TBC1D14: variants seen among roughly 807,000 people sequenced by gnomAD.
TBC1D14 encodes the protein TBC1 domain family member 14.
In TBC1D14, 26 loss-of-function variants were observed where a neutral mutation model predicts 79.0. The ratio of observed to expected loss-of-function variants is 0.33; its 90% CI spans 0.24 to 0.46. TBC1D14 has a LOEUF of 0.46. Ranked by LOEUF, TBC1D14 falls within the 20% of genes least tolerant of loss-of-function variation. The pLI is 1.00. For synonymous variants in TBC1D14, 394 were observed against 349.9 expected, an observed-to-expected ratio of 1.13 and a Z score of -1.40; for missense variants, 769 against 887.6, an observed-to-expected ratio of 0.87 and a Z score of 1.70.
chr4:6,915,906 G>C (rs1001641153), intron 1 of TBC1D14, among the ~76,000 whole-genome samples: 1 of 151,662 alleles, frequency 6.6e-6, no homozygotes, highest in African/African-American at 2.4e-5. Context: ...CCTGAGGTCA[G>C]GGGTTCAAAA....
At chr4:6,987,347 A>G in intron 3 of TBC1D14, 1 of 1,425,870 alleles carries the variant, frequency 7.0e-7, no homozygotes, top group Non-Finnish European at 9.2e-7. Context: ...CCCGGCGTTC[A>G]TGGTGAGTCG....
At chr4:6,935,730 G>T in intron 2 of TBC1D14, among the ~76,000 whole-genome samples, 1 of 149,492 alleles carries the variant, frequency 6.7e-6, no homozygotes, top group East Asian at 2.0e-4. Context: ...TGCAGTCTCT[G>T]CCTCCCAGGT....
At chr4:6,994,485 G>C (rs2109157380) in intron 4 of TBC1D14, among the ~76,000 whole-genome samples, 183 bp downstream of exon 4, 1 of 152,302 alleles carries the variant, frequency 6.6e-6, no homozygotes, top group Non-Finnish European at 1.5e-5. Flanking sequence ...TTGGAAAACT[G>C]TCCTATAGCA....
chr4:6,969,535 A>G (rs1360016992), intron 3 of TBC1D14, among the ~76,000 whole-genome samples: 1 of 151,970 alleles, frequency 6.6e-6, no homozygotes, highest in Non-Finnish European at 1.5e-5. Context: ...CCTCCCCAGT[A>G]GCTGGGACTA....
rs757713754 is a variant in TBC1D14, at chr4:7,010,673, A to C, written c.1539A>C (p.Ile513=). The change falls in exon 11 of 14, where the codon ATA becomes ATC. Residue 513 remains isoleucine (I), a synonymous_variant. Coordinates refer to ENST00000409757, the MANE Select transcript of TBC1D14 (RefSeq NM_020773.3). ...DVGYVQGMSF[I]AAVLILNLDT... ...CTCAGGTCCAGGGCATGTCCTTCAT[A>C]GCAGCAGTGTTGATCTTGAACTTAG... is the stretch of plus-strand genomic sequence containing the variant. 1.2e-5 allele frequency: 20 copies of C among 1,613,910 alleles called. No individual in the cohort carries two copies. The African/African-American group carries it at 2.0e-4, about 16-fold the overall frequency.
At chr4:6,993,266 A>T (rs1718692502) in intron 3 of TBC1D14, among the ~76,000 whole-genome samples, 1 of 152,190 alleles carries the variant, frequency 6.6e-6, no homozygotes, top group Non-Finnish European at 1.5e-5. Context: ...TAATCATCTT[A>T]AATGATTGTG....
At chr4:7,004,371 C>T (rs1313759033) in intron 7 of TBC1D14, among the ~76,000 whole-genome samples, 2 of 152,230 alleles carry the variant, frequency 1.3e-5, no homozygotes, top group Non-Finnish European at 2.9e-5. Context: ...CAGGTGGGGG[C>T]AATTGCACCA....
intron 3 of TBC1D14, among the ~76,000 whole-genome samples, chr4:6,986,950 G>A (rs1048009): frequency 0.14 from 22,011 of 152,256 alleles, 2,815 homozygotes; most frequent in African/African-American, 0.34. Flanking sequence ...GACTATTTTT[G>A]TGCAATTTCT....
chr4:7,010,875 A>G, intron 11 of TBC1D14, 94 bp downstream of exon 11: 2 of 1,429,332 alleles, frequency 1.4e-6, no homozygotes, highest in Non-Finnish European at 1.9e-6. Context: ...AAAAGAATAC[A>G]TTTTCTCTCT....
chr4:6,922,419 G>C (rs1163159875), intron 1 of TBC1D14, among the ~76,000 whole-genome samples: 1 of 151,972 alleles, frequency 6.6e-6, no homozygotes, highest in Non-Finnish European at 1.5e-5. Flanking sequence ...GTCTCCTTTG[G>C]GGTCCCGTAG....
intron 3 of TBC1D14, among the ~76,000 whole-genome samples, chr4:6,979,023 T>C (rs1005864203): frequency 2.6e-5 from 4 of 152,202 alleles, no homozygotes; most frequent in Non-Finnish European, 4.4e-5. Flanking sequence ...TGCATTCCAC[T>C]TGAAGTAGTA....
intron 2 of TBC1D14, among the ~76,000 whole-genome samples, chr4:6,958,770 C>G (rs1282079725): frequency 6.6e-6 from 1 of 152,086 alleles, no homozygotes; most frequent in Non-Finnish European, 1.5e-5. Context: ...CTGGAATGCT[C>G]TCACTCTTCA....
intron 2 of TBC1D14, among the ~76,000 whole-genome samples, chr4:6,960,139 T>C (rs1251678923): frequency 6.9e-6 from 1 of 145,282 alleles, no homozygotes; most frequent in Non-Finnish European, 1.5e-5. Flanking sequence ...TGGAGTGCAA[T>C]GGTGCGATCT....
chr4:6,944,466 C>G (rs1341224611), intron 2 of TBC1D14, among the ~76,000 whole-genome samples: 1 of 152,180 alleles, frequency 6.6e-6, no homozygotes, highest in Non-Finnish European at 1.5e-5. Context: ...CTGGGACTTG[C>G]TGCTTCATGA....
intron 6 of TBC1D14, among the ~76,000 whole-genome samples, chr4:7,000,895 G>A (rs903118747): frequency 4.6e-5 from 7 of 152,190 alleles, no homozygotes; most frequent in East Asian, 1.9e-4. Flanking sequence ...GCCCCAGAGC[G>A]TGCCTGGGCC....
Position 7,030,445 on chromosome 4 carries a change from C to A in TBC1D14, c.*53C>A. On this transcript the variant is annotated 3_prime_UTR_variant, in exon 14 of 14. Coordinates refer to ENST00000409757, the MANE Select transcript of TBC1D14 (RefSeq NM_020773.3). The stretch of plus-strand genomic sequence containing the variant: ...CCAATCAGAGCCCCATGCCGCGGCC[C>A]CTCTGTTGTTTCAGACTGACACCCG... 2 of 1,593,866 alleles carry A rather than the reference C, an allele frequency of 1.3e-6. No homozygotes were observed. The highest frequency in any genetic ancestry group is 1.7e-6 in the Non-Finnish European group (2 of 1,163,022).
chr4:6,925,531 G>T (rs1333941818), intron 2 of TBC1D14, among the ~76,000 whole-genome samples: 1 of 152,188 alleles, frequency 6.6e-6, no homozygotes, highest in South Asian at 2.1e-4. Context: ...AACTAAAGGG[G>T]ATCATCTCGG....
At chr4:6,961,350 A>G (rs1165559954) in intron 2 of TBC1D14, among the ~76,000 whole-genome samples, 2 of 151,898 alleles carry the variant, frequency 1.3e-5, no homozygotes, top group African/African-American at 4.8e-5. Context: ...CTTTCAGGGC[A>G]CCCTTTGATG....
At chr4:7,028,530 G>A (rs370176186) in intron 13 of TBC1D14, among the ~76,000 whole-genome samples, 6 of 151,564 alleles carry the variant, frequency 4.0e-5, no homozygotes, top group Non-Finnish European at 8.8e-5. Context: ...GGGTTCAAGC[G>A]ATTCTCTTGC....
Sources: gnomAD v4.1 joint callset for allele counts (sites outside exome capture counted in the v4.1 genomes callset) on GRCh38, gnomAD v4.1.1 for gene constraint, MANE v1.5 for transcripts, NCBI Gene and HGNC (gene_info 2026-07-23, HGNC 2026-07-21) for gene names.